Variants in SULT1E1 observed in about 807,000 individuals in gnomAD.
SULT1E1 encodes the protein sulfotransferase 1E1.
In SULT1E1, 36 loss-of-function variants were observed where a neutral mutation model predicts 33.6. That is an observed-to-expected ratio of 1.07 (90% confidence interval 0.82 to 1.41). The LOEUF (loss-of-function observed/expected upper bound fraction) is 1.41, where lower values mean the gene tolerates loss of function less well. SULT1E1 is among the 40% of genes most tolerant of loss of function. The pLI, the probability that SULT1E1 is intolerant of heterozygous loss-of-function variation, is 0.00. For missense variants in SULT1E1, 371 were observed against 345.7 expected (o/e 1.07, Z -0.58); for synonymous variants, 121 against 111.7 (o/e 1.08, Z -0.53).
At chr4:69,851,676 T>C (rs1721112568) in intron 4 of SULT1E1, among the ~76,000 whole-genome samples, 1 of 152,170 alleles carries the variant, frequency 6.6e-6, no homozygotes, top group Non-Finnish European at 1.5e-5. Flanking sequence ...CATGAACACG[T>C]ATGTTTATTG....
At chr4:69,833,861 C>T in the SULT1E1 span, among the ~76,000 whole-genome samples, 2 of 152,142 alleles carry the variant, frequency 1.3e-5, no homozygotes, top group Non-Finnish European at 2.9e-5. Flanking sequence ...GCAAATAATT[C>T]TATGTTAAAA....
downstream of SULT1E1, among the ~76,000 whole-genome samples, chr4:69,839,751 G>C (rs1246970580): frequency 3.9e-5 from 6 of 152,106 alleles, no homozygotes; most frequent in Admixed American, 6.5e-5. Flanking sequence ...TGGACTGTAA[G>C]CCCAGCTCCA....
the SULT1E1 span, among the ~76,000 whole-genome samples, chr4:69,823,159 T>C: frequency 1.3e-5 from 2 of 152,148 alleles, no homozygotes; most frequent in African/African-American, 4.8e-5. Flanking sequence ...AAGACAAGGT[T>C]TTGTTTATAT....
intron 3 of SULT1E1, 52 bp from the exon 4 acceptor site, chr4:69,854,366 A>G (rs886360057): frequency 8.9e-7 from 1 of 1,128,320 alleles, no homozygotes; most frequent in African/African-American, 1.6e-5. Context: ...GTAACTATTT[A>G]TGTGGATTTA....
At chr4:69,850,097 C>T (rs950923045) in intron 4 of SULT1E1, among the ~76,000 whole-genome samples, 1 of 151,968 alleles carries the variant, frequency 6.6e-6, no homozygotes, top group African/African-American at 2.4e-5. Flanking sequence ...GAAAATATAA[C>T]CTCTGCCAAC....
intron 1 of SULT1E1, among the ~76,000 whole-genome samples, chr4:69,858,333 G>A (rs1721292470): frequency 6.6e-6 from 1 of 152,086 alleles, no homozygotes; most frequent in Non-Finnish European, 1.5e-5. Context: ...GGCTAAAAAT[G>A]ATAAGGTTAA....
chr4:69,838,017 T>C (rs1430928031), downstream of SULT1E1, among the ~76,000 whole-genome samples: 1 of 152,192 alleles, frequency 6.6e-6, no homozygotes, highest in Non-Finnish European at 1.5e-5. Context: ...TAGTATGTGG[T>C]TTTTGAGGAA....
chr4:69,856,935 C>CAAAAAAAAA (rs11464421), intron 2 of SULT1E1, among the ~76,000 whole-genome samples: 6 of 59,226 alleles, frequency 1.0e-4, no homozygotes, highest in Non-Finnish European at 1.1e-4. Flanking sequence ...GACTCCGTCT[C>CAAAAAAAAA]AAAAAAAAAA....
intron 5 of SULT1E1, among the ~76,000 whole-genome samples, chr4:69,848,825 C>G (rs955613204): frequency 6.6e-6 from 1 of 151,850 alleles, no homozygotes; most frequent in Non-Finnish European, 1.5e-5. Context: ...ATCCTGCACC[C>G]TTTCTTCCTC....
At chr4:69,850,454 C>T (rs983577105) in intron 4 of SULT1E1, among the ~76,000 whole-genome samples, 7 of 152,072 alleles carry the variant, frequency 4.6e-5, no homozygotes, top group African/African-American at 1.4e-4. Flanking sequence ...TTACTGATGA[C>T]ATTTTCTAAC....
intron 7 of SULT1E1, among the ~76,000 whole-genome samples, chr4:69,843,636 C>A (rs1720921672): frequency 6.6e-6 from 1 of 152,128 alleles, no homozygotes; most frequent in Non-Finnish European, 1.5e-5. Flanking sequence ...GGCTATGTCT[C>A]CCCCCAAATA....
At chr4:69,831,178 G>A in the SULT1E1 span, among the ~76,000 whole-genome samples, 1 of 152,254 alleles carries the variant, frequency 6.6e-6, no homozygotes, top group African/African-American at 2.4e-5. Context: ...GGTAAAGGGG[G>A]GTTGATTGGA....
At chr4:69,830,618 A>G in the SULT1E1 span, among the ~76,000 whole-genome samples, 5 of 152,182 alleles carry the variant, frequency 3.3e-5, no homozygotes, top group Admixed American at 1.3e-4. Flanking sequence ...TTGGGTCCCA[A>G]TTGGGGTCTG....
chr4:69,834,050 T>A, the SULT1E1 span, among the ~76,000 whole-genome samples: 1 of 152,162 alleles, frequency 6.6e-6, no homozygotes. Context: ...TTGAAACATT[T>A]TGTTTTGGGG....
intron 3 of SULT1E1, 31 bp from the exon 4 acceptor site, chr4:69,854,345 C>A: frequency 6.9e-7 from 1 of 1,440,432 alleles, no homozygotes; most frequent in South Asian, 1.2e-5. Flanking sequence ...GGTTAAGCAA[C>A]TTCAAAAATT....
chr4:69,841,684 TA>T lies in SULT1E1; in HGVS notation c.*309del, dbSNP rs1050483992. 1.1e-5 allele frequency: 2 copies of T among 185,430 alleles called. No homozygotes were observed. The highest frequency in any genetic ancestry group is 2.2e-5 in the Non-Finnish European group (2 of 91,598). The allele number at this position is 185,430 out of a possible 1,614,324, so 11.5% of individuals were successfully genotyped here. A position where few individuals can be genotyped will look rare whatever the true frequency, so the allele number is the denominator to read the frequency against. On this transcript the variant is annotated 3_prime_UTR_variant, in exon 8 of 8. Coordinates refer to ENST00000226444, the MANE Select transcript of SULT1E1 (RefSeq NM_005420.3). ...AGACCTCATCTCTACAAAAAAACAT[TA>T]AAAAAATTAGCCAAACATGGTTGCA...
At chr4:69,826,509 C>T in the SULT1E1 span, among the ~76,000 whole-genome samples, 11 of 152,110 alleles carry the variant, frequency 7.2e-5, no homozygotes, top group East Asian at 3.9e-4. Flanking sequence ...GGGACTGTTG[C>T]GGGTTCTTGG....
At position 69,844,188 on chromosome 4, in the gene SULT1E1, G is replaced by T; in HGVS notation, c.745C>A (p.Gln249Lys). The T allele has an allele frequency of 6.2e-7, 1 of 1,613,838 alleles. No homozygotes were observed. The change falls in exon 7 of 8, where the codon CAG (glutamine) becomes AAG (lysine). Residue 249 changes from glutamine to lysine, a missense_variant. Transcript: ENST00000226444. Reference protein sequence around the residue: ...YTTLPDEIMNQKLSPFMRKGI... With the variant: ...YTTLPDEIMNKKLSPFMRKGI... ...TTTCTCATGAAGGGCGACAATTTCT[G>T]GTTCATAATTTCGTCTGGCAGTGTT...
At chr4:69,848,260 A>T (rs1292528921) in intron 5 of SULT1E1, among the ~76,000 whole-genome samples, 1 of 151,802 alleles carries the variant, frequency 6.6e-6, no homozygotes, top group Non-Finnish European at 1.5e-5. Flanking sequence ...AGTATTTATT[A>T]CACTATTAGT....
Sources: gnomAD v4.1 joint callset for allele counts (sites outside exome capture counted in the v4.1 genomes callset) on GRCh38, gnomAD v4.1.1 for gene constraint, MANE v1.5 for transcripts, NCBI Gene and HGNC (gene_info 2026-07-23, HGNC 2026-07-21) for gene names.